THSD7A: variants seen among roughly 807,000 people sequenced by gnomAD.
THSD7A encodes the protein thrombospondin type 1 domain containing 7A.
Under a neutral mutation model 231.3 loss-of-function variants are expected in THSD7A, and 96 were observed. The ratio of observed to expected loss-of-function variants is 0.41; its 90% CI spans 0.35 to 0.49. The LOEUF is 0.49. Ranked by LOEUF, THSD7A falls within the 20% of genes least tolerant of loss-of-function variation. The probability of loss-of-function intolerance (pLI) is 0.05; values close to 1 mark genes in which losing one functional copy is unlikely to be tolerated. For synonymous variants in THSD7A, 940 were observed against 743.3 expected, an observed-to-expected ratio of 1.26 and a Z score of -4.30; for missense variants, 2,290 against 2,070.2, an observed-to-expected ratio of 1.11 and a Z score of -2.06.
intron 4 of THSD7A, among the ~76,000 whole-genome samples, chr7:11,583,858 G>A (rs1791276875): frequency 6.6e-6 from 1 of 152,086 alleles, no homozygotes; most frequent in Admixed American, 6.6e-5. Context: ...ATGGAAGTAA[G>A]CATAAGTTTG....
intron 11 of THSD7A, among the ~76,000 whole-genome samples, chr7:11,455,324 A>G (rs1785272568): frequency 6.6e-6 from 1 of 152,100 alleles, no homozygotes; most frequent in African/African-American, 2.4e-5. Flanking sequence ...GAATCCTGAT[A>G]AAACTATCAA....
At chr7:11,594,067 G>A (rs537984390) in intron 2 of THSD7A, among the ~76,000 whole-genome samples, 12 of 152,216 alleles carry the variant, frequency 7.9e-5, no homozygotes, top group South Asian at 4.1e-4. Flanking sequence ...CTGCCAATGC[G>A]GCTAGAATAT....
Position 11,814,558 on chromosome 7 carries a change from T to TC in THSD7A, c.190+17198dup, listed in dbSNP as rs1159873551. The stretch of plus-strand genomic sequence containing the variant: ...ACTTTCATGATTCTGCAGTGCTTGA[T>TC]CAACCAAGGTTGAAGGACCACCTTG... On this transcript the variant is annotated intron_variant, in intron 1 of 27. Coordinates refer to ENST00000423059, the MANE Select transcript of THSD7A (RefSeq NM_015204.3). The surrounding 1 kb of genome is among the most constrained non-coding windows in gnomAD (Gnocchi z 5.1). Among the ~76,000 whole-genome samples the TC allele has an allele frequency of 6.6e-6, 1 of 152,194 alleles. No homozygotes were observed. Among genetic ancestry groups the TC allele is most frequent in the Non-Finnish European group, 1.5e-5 (1 of 68,022 alleles).
At chr7:11,803,607 G>A (rs960618648) in intron 1 of THSD7A, among the ~76,000 whole-genome samples, 1 of 151,958 alleles carries the variant, frequency 6.6e-6, no homozygotes, top group African/African-American at 2.4e-5. Context: ...TTATGGTGAC[G>A]GATAAATAGA....
intron 23 of THSD7A, among the ~76,000 whole-genome samples, chr7:11,386,184 C>T (rs1782736058): frequency 1.3e-5 from 2 of 152,112 alleles, no homozygotes; most frequent in Non-Finnish European, 2.9e-5. Context: ...CATATGTGTG[C>T]ATGTGTCTTT....
intron 3 of THSD7A, among the ~76,000 whole-genome samples, chr7:11,591,344 T>C (rs1176310769): frequency 1.3e-5 from 2 of 151,524 alleles, no homozygotes; most frequent in Non-Finnish European, 2.9e-5. Flanking sequence ...TTGAAGGAGA[T>C]AGCTAGGGAA....
chr7:11,576,666 A>T (rs1039905329), intron 4 of THSD7A, among the ~76,000 whole-genome samples: 1 of 152,202 alleles, frequency 6.6e-6, no homozygotes, highest in Non-Finnish European at 1.5e-5. Flanking sequence ...AAATAGCAAT[A>T]TCATATGGTT....
intron 23 of THSD7A, among the ~76,000 whole-genome samples, chr7:11,400,404 CTCTAGGTACT>C (rs1429709636): frequency 5.9e-5 from 9 of 152,258 alleles, no homozygotes; most frequent in African/African-American, 1.9e-4. Flanking sequence ...TCAAGATCTC[CTCTAGGTACT>C]TCTTTGCTGC....
chr7:11,743,726 C>T (rs1467523693), intron 1 of THSD7A, among the ~76,000 whole-genome samples: 2 of 151,702 alleles, frequency 1.3e-5, no homozygotes, highest in Non-Finnish European at 2.9e-5. Flanking sequence ...GAGGTCTGTC[C>T]AATTCTATGC....
intron 1 of THSD7A, among the ~76,000 whole-genome samples, chr7:11,778,901 A>C (rs1476298320): frequency 6.6e-6 from 1 of 152,124 alleles, no homozygotes; most frequent in African/African-American, 2.4e-5. Context: ...AATTAAGAGC[A>C]ATTTATAAAG....
At chr7:11,499,236 G>T (rs1342229808) in intron 6 of THSD7A, among the ~76,000 whole-genome samples, 1 of 152,134 alleles carries the variant, frequency 6.6e-6, no homozygotes, top group African/African-American at 2.4e-5. Flanking sequence ...TCCTGGCTTG[G>T]GCCCTCAGCA....
intron 6 of THSD7A, among the ~76,000 whole-genome samples, chr7:11,513,994 C>T (rs1160488468): frequency 6.6e-6 from 1 of 151,894 alleles, no homozygotes; most frequent in African/African-American, 2.4e-5. Flanking sequence ...CATCCTGCCT[C>T]CTGCCATTTC....
intron 2 of THSD7A, among the ~76,000 whole-genome samples, chr7:11,594,289 ACATATAT>A (rs997192535): frequency 2.0e-5 from 3 of 152,270 alleles, no homozygotes; most frequent in Admixed American, 2.0e-4. Flanking sequence ...TACACTTTAT[ACATATAT>A]CTATCCTATC....
chr7:11,423,350 C>T (rs1784213087), intron 16 of THSD7A, among the ~76,000 whole-genome samples: 1 of 149,150 alleles, frequency 6.7e-6, no homozygotes, highest in African/African-American at 2.5e-5. Flanking sequence ...TTCTTCATAA[C>T]ATGGGTTGCC....
chr7:11,679,857 T>C (rs539794321), intron 1 of THSD7A, among the ~76,000 whole-genome samples: 2 of 152,134 alleles, frequency 1.3e-5, no homozygotes, highest in African/African-American at 4.8e-5. Flanking sequence ...TTAAATTTCA[T>C]ATGGAACCAA....
intron 6 of THSD7A, among the ~76,000 whole-genome samples, chr7:11,540,296 T>C (rs1261805381): frequency 2.0e-5 from 3 of 152,212 alleles, no homozygotes; most frequent in African/African-American, 4.8e-5. Context: ...TATTAGACCC[T>C]GGACAAAGAC....
chr7:11,566,969 G>GGGGGGGGGGGGGGGGGGGGGGGT (rs1554339262), intron 4 of THSD7A, among the ~76,000 whole-genome samples: 1 of 84,148 alleles, frequency 1.2e-5, no homozygotes, highest in African/African-American at 5.8e-5. Context: ...GGAGAGTGGG[G>GGGGGGGGGGGGGGGGGGGGGGGT]GGGGGACTGA....
chr7:11,523,981 A>G (rs891050637), intron 6 of THSD7A, among the ~76,000 whole-genome samples: 2 of 152,188 alleles, frequency 1.3e-5, no homozygotes, highest in Non-Finnish European at 2.9e-5. Flanking sequence ...ATATGTGATT[A>G]AACAACATTT....
At chr7:11,421,713 AC>A (rs1562596779) in intron 16 of THSD7A, among the ~76,000 whole-genome samples, 1 of 152,140 alleles carries the variant, frequency 6.6e-6, no homozygotes, top group Non-Finnish European at 1.5e-5. Context: ...ATGGAAGCAA[AC>A]TTTACCTATT....
Sources: allele counts gnomAD v4.1 joint callset (sites outside exome capture counted in the v4.1 genomes callset), GRCh38; gene constraint gnomAD v4.1.1; non-coding constraint Gnocchi (gnomAD v3.1); transcripts MANE v1.5; gene names NCBI Gene and HGNC (gene_info 2026-07-23, HGNC 2026-07-21).